DOCK10: variants seen among roughly 807,000 people sequenced by gnomAD.
The protein encoded by DOCK10 is dedicator of cytokinesis 10.
Under a neutral mutation model 280.1 loss-of-function variants are expected in DOCK10, and 145 were observed. The ratio of observed to expected loss-of-function variants is 0.52; its 90% confidence interval spans 0.45 to 0.59. DOCK10 has a LOEUF of 0.59. DOCK10 is among the 20% of genes least tolerant of loss of function. DOCK10 has a pLI of 0.00. For missense variants in DOCK10, 2,368 were observed against 2,651.7 expected, an observed-to-expected ratio of 0.89 and a Z score of 2.35; for synonymous variants, 915 against 942.2, an observed-to-expected ratio of 0.97 and a Z score of 0.53.
At chr2:224,822,589 T>A (rs1294739128) in intron 28 of DOCK10, among the ~76,000 whole-genome samples, 1 of 152,006 alleles carries the variant, frequency 6.6e-6, no homozygotes. Flanking sequence ...GCCAGGTTTG[T>A]GTCTGTGTCC....
In DOCK10 at chr2:224,807,678, G is replaced by A; in HGVS notation, c.3692C>T (p.Thr1231Ile). Residue 1231 changes from threonine (T) to isoleucine (I), a missense_variant, in exon 33 of 56, where the codon ACA becomes ATA. Thr to Ile is a moderately conservative substitution (Grantham distance 89). Around this residue, in one of 2 missense-constraint regions of DOCK10, gnomAD observed 1,159 missense variants for 1,400.8 expected, o/e 0.83. Coordinates refer to ENST00000258390, the MANE Select transcript of DOCK10 (RefSeq NM_014689.3). ...LKDLYPFTVN[T>I]SNQGSRDDLS... The stretch of plus-strand genomic sequence containing the variant: ...ATTGTGCAAACGTACCTGATTAGAT[G>A]TATTGACAGTAAAAGGATACAGGTC... 1 of 1,549,398 alleles carries A rather than the reference G, an allele frequency of 6.5e-7. No individual in the cohort carries two copies. The highest frequency in any genetic ancestry group is 8.8e-7 in the Non-Finnish European group (1 of 1,139,372).
intron 13 of DOCK10, 29 bp from the exon 14 acceptor site, chr2:224,862,775 T>TTTTGTATTTA (rs1559592669): frequency 7.3e-7 from 1 of 1,372,808 alleles, no homozygotes; most frequent in South Asian, 1.3e-5. Context: ...CAAATATTGT[T>TTTTGTATTTA]TAGAATAGCA....
rs1016396454 is a variant in DOCK10, at chr2:224,787,296, A to G, written c.5520T>C (p.Phe1840=). 1.2e-6 allele frequency: 2 copies of G among 1,613,974 alleles called. No homozygotes were observed. The highest frequency in any genetic ancestry group is 4.5e-5 in the East Asian group (2 of 44,890). Residue 1840 remains phenylalanine (F), a synonymous_variant, in exon 49 of 56, where the codon TTT becomes TTC. Transcript: ENST00000258390. ...ATACTTTGAAGTCTCGTTGTTTCTCAAAGACAGCAATGATGGGCTTGTTGA... is the reference window on the plus strand; with the variant it reads ...ATACTTTGAAGTCTCGTTGTTTCTCGAAGACAGCAATGATGGGCTTGTTGA... The part of the protein sequence containing the change: ...ADVNKPIIAV[F]EKQRDFKKLS...
At chr2:225,009,293 C>T (rs551055135) in intron 1 of DOCK10, among the ~76,000 whole-genome samples, 20 of 152,186 alleles carry the variant, frequency 1.3e-4, no homozygotes, top group African/African-American at 4.8e-4. Flanking sequence ...AAATCAATCA[C>T]TGAATCAAAA....
At chr2:224,993,684 T>C (rs995980883) in intron 1 of DOCK10, among the ~76,000 whole-genome samples, 2 of 152,200 alleles carry the variant, frequency 1.3e-5, no homozygotes, top group Non-Finnish European at 2.9e-5. Flanking sequence ...GAATTCTGAC[T>C]GTAGAAGGCA....
In DOCK10 at chr2:224,807,954, T is replaced by A. The variant is rs770304708; in HGVS notation, c.3542A>T (p.Asn1181Ile). 6.2e-6 allele frequency: 10 copies of A among 1,612,660 alleles called. No homozygotes were observed. Among genetic ancestry groups the A allele is most frequent in the Non-Finnish European group, 8.5e-6 (10 of 1,179,338 alleles). Reference sequence around the variant, plus strand: ...ATCAAATGAATGCTTAGCCATTAGATTTTTTAGGACAGCTAAAGCTAAGTG... The same window carrying A: ...ATCAAATGAATGCTTAGCCATTAGAATTTTTAGGACAGCTAAAGCTAAGTG... The part of the protein sequence containing the change: ...VRHLALAVLK[N>I]LMAKHSFDDR... Residue 1181 changes from asparagine to isoleucine, a missense_variant, in exon 32 of 56, where the codon AAT becomes ATT. Transcript: ENST00000258390.
intron 48 of DOCK10, among the ~76,000 whole-genome samples, chr2:224,788,032 CA>C (rs558311858): frequency 9.3e-5 from 14 of 150,036 alleles, no homozygotes; most frequent in African/African-American, 2.9e-4. Context: ...AGACTCAGCA[CA>C]AAAAAAAATG....
At chr2:225,038,139 A>G (rs2106145418) in intron 1 of DOCK10, among the ~76,000 whole-genome samples, 1 of 152,352 alleles carries the variant, frequency 6.6e-6, no homozygotes, top group African/African-American at 2.4e-5. Context: ...TGTGAATGCT[A>G]AACAACCAGG....
intron 1 of DOCK10, among the ~76,000 whole-genome samples, chr2:225,041,016 C>T (rs1271140302): frequency 6.6e-6 from 1 of 152,070 alleles, no homozygotes; most frequent in African/African-American, 2.4e-5. Context: ...GCACCCTGGC[C>T]ACCAATTCGT....
At chr2:224,873,452 G>A (rs1486422533) in intron 11 of DOCK10, among the ~76,000 whole-genome samples, 2 of 151,924 alleles carry the variant, frequency 1.3e-5, no homozygotes, top group East Asian at 3.9e-4. Flanking sequence ...CCATGGTGGT[G>A]CGTGCCTGTA....
At chr2:224,855,614 C>G (rs1697073148) in intron 15 of DOCK10, among the ~76,000 whole-genome samples, 1 of 152,186 alleles carries the variant, frequency 6.6e-6, no homozygotes, top group Admixed American at 6.5e-5. Context: ...ACATGCACTC[C>G]CCGGCTCAAG....
intron 1 of DOCK10, among the ~76,000 whole-genome samples, chr2:225,007,748 A>G (rs1559952396): frequency 6.6e-6 from 1 of 152,194 alleles, no homozygotes; most frequent in Non-Finnish European, 1.5e-5. Context: ...AGCAGGACCG[A>G]TTGCAAGGAG....
At chr2:224,982,531 T>C in intron 1 of DOCK10, 1 of 1,221,120 alleles carries the variant, frequency 8.2e-7, no homozygotes, top group Non-Finnish European at 1.0e-6. Flanking sequence ...ATAGCTTGGA[T>C]GCAGAGATGG....
chr2:224,929,864 A>G (rs374772854), intron 2 of DOCK10, among the ~76,000 whole-genome samples: 1 of 152,104 alleles, frequency 6.6e-6, no homozygotes, highest in Non-Finnish European at 1.5e-5. Flanking sequence ...CTAGGAGAAA[A>G]GATGCTCCTG....
intron 4 of DOCK10, among the ~76,000 whole-genome samples, chr2:224,888,612 T>C (rs1699462311): frequency 6.6e-6 from 1 of 152,078 alleles, no homozygotes; most frequent in Non-Finnish European, 1.5e-5. Context: ...TTTGTATGTA[T>C]ATGTGTGTGA....
At chr2:224,884,407 A>G (rs756736859) in intron 7 of DOCK10, among the ~76,000 whole-genome samples, 1 of 152,228 alleles carries the variant, frequency 6.6e-6, no homozygotes, top group Non-Finnish European at 1.5e-5. Flanking sequence ...GCCTGTGACC[A>G]GAAATAGAGT....
intron 1 of DOCK10, among the ~76,000 whole-genome samples, chr2:225,008,215 A>C (rs1276778206): frequency 6.6e-6 from 1 of 152,028 alleles, no homozygotes; most frequent in Non-Finnish European, 1.5e-5. Flanking sequence ...CCCAGGGTGG[A>C]CTCAAATTCC....
At chr2:224,871,244 C>T (rs926625030) in intron 11 of DOCK10, among the ~76,000 whole-genome samples, 4 of 152,172 alleles carry the variant, frequency 2.6e-5, no homozygotes, top group African/African-American at 9.7e-5. Context: ...ATCTCCCTCC[C>T]GTGTTACCAT....
At chr2:224,929,174 G>T (rs1415909206) in intron 2 of DOCK10, among the ~76,000 whole-genome samples, 1 of 152,014 alleles carries the variant, frequency 6.6e-6, no homozygotes, top group East Asian at 1.9e-4. Flanking sequence ...TCATAGAATT[G>T]GTCTTTATCT....
Sources: gnomAD v4.1 joint callset for allele counts (sites outside exome capture counted in the v4.1 genomes callset) on GRCh38, gnomAD v4.1.1 for gene constraint, gnomAD v4.1.1 regional missense constraint, MANE v1.5 for transcripts, NCBI Gene and HGNC (gene_info 2026-07-23, HGNC 2026-07-21) for gene names.